The following SEMA6B variants were observed in gnomAD, a reference collection of about 807,000 sequenced individuals.
SEMA6B encodes the protein semaphorin 6B.
In SEMA6B, 47 loss-of-function variants were observed where a neutral mutation model predicts 78.6. The ratio of observed to expected loss-of-function variants is 0.60; its 90% CI spans 0.47 to 0.76. The LOEUF (loss-of-function observed/expected upper bound fraction) is 0.76. SEMA6B is among the 30% of genes least tolerant of loss of function. The pLI, the probability that SEMA6B is intolerant of heterozygous loss-of-function variation, is 0.00. For synonymous variants in SEMA6B, 632 were observed against 592.2 expected (o/e 1.07, Z -0.98); for missense variants, 1,213 against 1,269.9 (o/e 0.96, Z 0.68).
At position 4,543,893 on chromosome 19, in the gene SEMA6B, TG is replaced by T. The variant is rs1443825038; in HGVS notation, c.2374del (p.His792ThrfsTer38). ...CACCCGCCGGCGGTCCGGGCTGGCG[TG>T]GGGGGTGAGCGGGAAGTCGCCGTGG... ...ASHGDFPLTP[H>X]ASPDRRRVVS... On this transcript the variant is annotated frameshift_variant, in exon 17 of 17. Transcript: ENST00000586582. LOFTEE classifies it high-confidence loss of function. 2 of 1,200,940 alleles carry T rather than the reference TG, an allele frequency of 1.7e-6. No individual in the cohort carries two copies. Among genetic ancestry groups the T allele is most frequent in the Non-Finnish European group, 2.1e-6 (2 of 969,560 alleles). 74.4% of individuals were successfully genotyped at this position (1,200,940 alleles called of 1,614,324 possible). A position where few individuals can be genotyped will look rare whatever the true frequency, so the allele number is the denominator to read the frequency against.
rs903209200 is a variant in SEMA6B, at chr19:4,554,487, G to T, written c.683-11C>A. The T allele has an allele frequency of 5.0e-6, 8 of 1,609,298 alleles. No individual in the cohort carries two copies. The South Asian group carries it at 7.7e-5, about 15-fold the overall frequency. On this transcript the variant is annotated splice_polypyrimidine_tract_variant and intron_variant, in intron 8 of 16. Coordinates refer to ENST00000586582, the MANE Select transcript of SEMA6B (RefSeq NM_032108.4). ...GGACAAAGTAAGGCTCTGCAGGACA[G>T]GAGGGGTCAGAACTCAGCCCCTGAC...
Position 4,542,784 on chromosome 19 carries a change from T to A in SEMA6B, c.*817A>T. The A allele has an allele frequency of 7.5e-6, 5 of 668,272 alleles. No homozygotes were observed. Among genetic ancestry groups the A allele is most frequent in the Non-Finnish European group, 1.4e-5 (5 of 364,518 alleles). The allele number at this position is 668,272 out of a possible 1,614,324, so 41.4% of individuals were successfully genotyped here. A position where few individuals can be genotyped will look rare whatever the true frequency, so the allele number is the denominator to read the frequency against. On this transcript the variant is annotated 3_prime_UTR_variant, in exon 17 of 17. Transcript: ENST00000586582. ...TATTTACAGAGGGGCCCCACCCACC[T>A]TCGCCGCCCCCCAGGCCCCCAAGCC... is the stretch of plus-strand genomic sequence containing the variant.
In SEMA6B at chr19:4,555,661, C is replaced by T; in HGVS notation, c.472-97G>A. The T allele has an allele frequency of 1.0e-6, 1 of 964,678 alleles. No individual in the cohort carries two copies. The highest frequency in any genetic ancestry group is 1.4e-5 in the South Asian group (1 of 71,960). 59.8% of individuals were successfully genotyped at this position (964,678 alleles called of 1,614,324 possible). A position where few individuals can be genotyped will look rare whatever the true frequency, so the allele number is the denominator to read the frequency against. On this transcript the variant is annotated intron_variant, in intron 6 of 16. Coordinates refer to ENST00000586582, the MANE Select transcript of SEMA6B (RefSeq NM_032108.4). This position sits in a 1 kb window ranked among gnomAD's most constrained non-coding sequence, Gnocchi z 6.1. ...CCACTCCAGGGGGAATCCTGATCCA[C>T]CACGGATTACTGTGTGACCTTGGCC...
At position 4,557,155 on chromosome 19, in the gene SEMA6B, T is replaced by C; in HGVS notation, c.306+8A>G. The C allele has an allele frequency of 1.9e-6, 3 of 1,610,552 alleles. No individual in the cohort carries two copies. Among genetic ancestry groups the C allele is most frequent in the South Asian group, 2.2e-5 (2 of 90,858 alleles). On this transcript the variant is annotated splice_region_variant and intron_variant, in intron 4 of 16. Coordinates refer to ENST00000586582, the MANE Select transcript of SEMA6B (RefSeq NM_032108.4). ...ACCCCTCCACTCCCACCTGCACCCC[T>C]TCCTCACCCTCTGGTACCGCAGCTC...
chr19:4,555,952 G>A lies in SEMA6B; in HGVS notation c.471+36C>T. 1 of 1,536,610 alleles carries A rather than the reference G, an allele frequency of 6.5e-7. No individual in the cohort carries two copies. Among genetic ancestry groups the A allele is most frequent in the Non-Finnish European group, 9.0e-7 (1 of 1,109,546 alleles). On this transcript the variant is annotated intron_variant, in intron 6 of 16. Coordinates refer to ENST00000586582, the MANE Select transcript of SEMA6B (RefSeq NM_032108.4). The surrounding 1 kb of genome is among the most constrained non-coding windows in gnomAD (Gnocchi z 6.1). ...GAGGTCGGGCGAGCAGAGGCCTGGA[G>A]GTTGGACCTGGGGCGCAGGGAGTCT... is the stretch of plus-strand genomic sequence containing the variant.
Position 4,542,630 on chromosome 19 carries a change from G to C in SEMA6B, c.*971C>G, listed in dbSNP as rs894772009. On this transcript the variant is annotated 3_prime_UTR_variant, in exon 17 of 17. Transcript: ENST00000586582. ...GAGTTTTATTGATGGGGAGGGGGCT[G>C]GGGGAGGCAAACTCCAGAGAGGGCA... 9.1e-6 allele frequency: 5 copies of C among 549,624 alleles called. No individual in the cohort carries two copies. In the African/African-American group the frequency reaches 9.4e-5, roughly 10 times the overall value. The allele number at this position is 549,624 out of a possible 1,614,324, so 34.0% of individuals were successfully genotyped here.
Position 4,555,470 on chromosome 19 carries a change from T to A in SEMA6B, c.562+4A>T, listed in dbSNP as rs1977442422. 6.2e-7 allele frequency: 1 copy of A among 1,610,298 alleles called. No individual in the cohort carries two copies. Among genetic ancestry groups the A allele is most frequent in the Admixed American group, 1.7e-5 (1 of 59,014 alleles). ...GATCAGATGGAGGTTGGGGGGGTAC[T>A]TACCAGAGAAGAGGGCAACATTGGC... On this transcript the variant is annotated splice_donor_region_variant and intron_variant, in intron 7 of 16. Transcript: ENST00000586582. This position sits in a 1 kb window ranked among gnomAD's most constrained non-coding sequence, Gnocchi z 6.1.
Position 4,556,049 on chromosome 19 carries a change from TC to T in SEMA6B, c.409del (p.Asp137ThrfsTer22). The T allele has an allele frequency of 6.2e-7, 1 of 1,614,114 alleles. No homozygotes were observed. Among genetic ancestry groups the T allele is most frequent in the Non-Finnish European group, 8.5e-7 (1 of 1,180,010 alleles). ...ACCGCACACAAAGAGCGTGGACTCG[TC>T]CCGAAGGAGCAGCACCTTTACGAAG... Reference protein sequence around the residue: ...RNFVKVLLLRDESTLFVCGSN... With the variant: ...RNFVKVLLLRXESTLFVCGSN... On this transcript the variant is annotated frameshift_variant, in exon 6 of 17. Coordinates refer to ENST00000586582, the MANE Select transcript of SEMA6B (RefSeq NM_032108.4). LOFTEE classifies it high-confidence loss of function.
At chr19:4,554,887 T>C (rs1187665789) in intron 8 of SEMA6B, 89 bp downstream of exon 8, 21 of 1,476,762 alleles carry the variant, frequency 1.4e-5, no homozygotes, top group Non-Finnish European at 1.9e-5. Context: ...ACCAAGCTCC[T>C]CTGGGACTCT....
intron 1 of SEMA6B, among the ~76,000 whole-genome samples, 159 bp downstream of exon 1, chr19:4,559,371 G>A (rs945728070): frequency 4.6e-5 from 7 of 151,922 alleles, no homozygotes; most frequent in Middle Eastern, 3.2e-3. Context: ...TACCTCTCAC[G>A]GGGGACTGCT....
Position 4,546,445 on chromosome 19 carries a change from G to A in SEMA6B, c.1626C>T (p.Pro542=). 1 of 1,573,034 alleles carries A rather than the reference G, an allele frequency of 6.4e-7. No homozygotes were observed. The highest frequency in any genetic ancestry group is 2.4e-5 in the East Asian group (1 of 42,316). The change falls in exon 15 of 17, where the codon CCC becomes CCT. Residue 542 remains proline, a synonymous_variant. Coordinates refer to ENST00000586582, the MANE Select transcript of SEMA6B (RefSeq NM_032108.4). ...CMKNCIGSQD[P]YCGWAPDGSC... ...AGCCGTCGGGGGCCCACCCGCAGTA[G>A]GGGTCCTGACTGCCGATACAGTTCC...
At chr19:4,557,411 C>T (rs1187048484) in intron 3 of SEMA6B, among the ~76,000 whole-genome samples, 188 bp from the exon 4 acceptor site, 1 of 152,210 alleles carries the variant, frequency 6.6e-6, no homozygotes, top group Non-Finnish European at 1.5e-5. Flanking sequence ...CTGCACTCCA[C>T]CTCCTGCCCG....
In SEMA6B at chr19:4,542,853, T is replaced by C. The variant is rs1373241905; in HGVS notation, c.*748A>G. ...GATGTGACTTCCGGGCAGGCCCTCC[T>C]CGTGTCTCCTGCCTGAAACCCCGGC... On this transcript the variant is annotated 3_prime_UTR_variant, in exon 17 of 17. Coordinates refer to ENST00000586582, the MANE Select transcript of SEMA6B (RefSeq NM_032108.4). 4 of 696,082 alleles carry C rather than the reference T, an allele frequency of 5.7e-6. No homozygotes were observed. In the South Asian group the frequency reaches 5.9e-5, roughly 10 times the overall value. 43.1% of individuals were successfully genotyped at this position (696,082 alleles called of 1,614,324 possible). A position where few individuals can be genotyped will look rare whatever the true frequency, so the allele number is the denominator to read the frequency against.
chr19:4,552,601 G>A lies in SEMA6B; in HGVS notation c.810C>T (p.Asp270=), dbSNP rs749553676. Residue 270 remains aspartate (D), a synonymous_variant, in exon 10 of 17, where the codon GAC becomes GAT. Coordinates refer to ENST00000586582, the MANE Select transcript of SEMA6B (RefSeq NM_032108.4). This position sits in a 1 kb window ranked among gnomAD's most constrained non-coding sequence, Gnocchi z 7.4. ...VSRVARVCKN[D]VGGSPRVLEK... ...CCAGCACGCGGGGGGAGCCTCCCAC[G>A]TCGTTCTTGCACACTCGGGCCACGC... 31 of 1,612,188 alleles carry A rather than the reference G, an allele frequency of 1.9e-5. No homozygotes were observed. Among genetic ancestry groups the A allele is most frequent in the East Asian group, 1.6e-4 (7 of 44,858 alleles).
Position 4,558,262 on chromosome 19 carries a change from G to A in SEMA6B, c.121+75C>T. ...CTGGACTGCTTGAGTCCCCCAGTGG[G>A]GGCAGCAGACCCAACTGGGAACCCA... On this transcript the variant is annotated intron_variant, in intron 2 of 16. Transcript: ENST00000586582. The surrounding 1 kb of genome is among the most constrained non-coding windows in gnomAD (Gnocchi z 5.1). 1 of 1,303,550 alleles carries A rather than the reference G, an allele frequency of 7.7e-7. No homozygotes were observed. The highest frequency in any genetic ancestry group is 9.8e-7 in the Non-Finnish European group (1 of 1,015,744). 80.7% of individuals were successfully genotyped at this position (1,303,550 alleles called of 1,614,324 possible). A position where few individuals can be genotyped will look rare whatever the true frequency, so the allele number is the denominator to read the frequency against.
chr19:4,545,118 A>C (rs532191176), intron 16 of SEMA6B, among the ~76,000 whole-genome samples: 40 of 151,890 alleles, frequency 2.6e-4, no homozygotes, highest in African/African-American at 7.7e-4. Flanking sequence ...CTGAGGCAGG[A>C]GATCACCTGA....
chr19:4,544,275 G>A lies in SEMA6B; in HGVS notation c.1993C>T (p.Arg665Trp). The A allele has an allele frequency of 3.0e-6, 4 of 1,313,210 alleles. No individual in the cohort carries two copies. Among genetic ancestry groups the A allele is most frequent in the South Asian group, 2.1e-5 (1 of 47,758 alleles). 81.3% of individuals were successfully genotyped at this position (1,313,210 alleles called of 1,614,324 possible). The change falls in exon 17 of 17, where the codon CGG becomes TGG. Residue 665 changes from arginine (R) to tryptophan (W), a missense_variant. Arg to Trp is a moderately radical substitution (Grantham distance 101). Coordinates refer to ENST00000586582, the MANE Select transcript of SEMA6B (RefSeq NM_032108.4). The surrounding 1 kb of genome is among the most constrained non-coding windows in gnomAD (Gnocchi z 5.1). ...GERRAQGPGG[R>W]GGGGGGGAGV... ...GCGCCACCGCCACCGCCTCCGCCCC[G>A]GCCCCCGGGACCCTGCGCCCTGCGC...
In SEMA6B at chr19:4,546,288, G is replaced by A. The variant is rs1017193865; in HGVS notation, c.1680-14C>T. 4 of 1,613,196 alleles carry A rather than the reference G, an allele frequency of 2.5e-6. No homozygotes were observed. In the Admixed American group the frequency reaches 5.0e-5, roughly 20 times the overall value. On this transcript the variant is annotated splice_polypyrimidine_tract_variant and intron_variant, in intron 15 of 16. Transcript: ENST00000586582. Reference sequence around the variant, plus strand: ...TCAAAGGCGGCTCTAATGGGGAGAGGAGGCACCGTCAGCAGAGGCCCCTCT... The same window carrying A: ...TCAAAGGCGGCTCTAATGGGGAGAGAAGGCACCGTCAGCAGAGGCCCCTCT...
In SEMA6B at chr19:4,544,562, C is replaced by G. The variant is rs898224051; in HGVS notation, c.1739-33G>C. ...GGGAGCACAGGGGGGTTAGTGGGGC[C>G]GGCGGGGTGGCCCTGGGCATCCCTC... On this transcript the variant is annotated intron_variant, in intron 16 of 16. Coordinates refer to ENST00000586582, the MANE Select transcript of SEMA6B (RefSeq NM_032108.4). The surrounding 1 kb of genome is among the most constrained non-coding windows in gnomAD (Gnocchi z 5.1). 2 of 1,393,606 alleles carry G rather than the reference C, an allele frequency of 1.4e-6. No individual in the cohort carries two copies. Among genetic ancestry groups the G allele is most frequent in the Non-Finnish European group, 1.9e-6 (2 of 1,060,936 alleles). The allele number at this position is 1,393,606 out of a possible 1,614,324, so 86.3% of individuals were successfully genotyped here.
Sources: gnomAD v4.1 joint callset for allele counts (sites outside exome capture counted in the v4.1 genomes callset) on GRCh38, gnomAD v4.1.1 for gene constraint, Gnocchi (gnomAD v3.1) non-coding constraint, MANE v1.5 for transcripts, NCBI Gene and HGNC (gene_info 2026-07-23, HGNC 2026-07-21) for gene names.